SLC24A3: variants seen among roughly 807,000 people sequenced by gnomAD.
SLC24A3 encodes the protein sodium/potassium/calcium exchanger 3.
SLC24A3 carries 28 observed loss-of-function variants against 75.8 expected under a neutral mutation model. The observed-to-expected ratio is 0.37, with a 90% CI of 0.27 to 0.51. The LOEUF (loss-of-function observed/expected upper bound fraction) is 0.51, where lower values mean the gene tolerates loss of function less well. Among genes scored for constraint, SLC24A3 ranks in the 20% least tolerant of loss-of-function variants. SLC24A3 has a pLI of 0.94. For missense variants in SLC24A3, 663 were observed against 847.8 expected (o/e 0.78, Z 2.71); for synonymous variants, 372 against 334.1 (o/e 1.11, Z -1.24).
chr20:19,497,343 A>G (rs372033798), intron 2 of SLC24A3, among the ~76,000 whole-genome samples: 1 of 152,152 alleles, frequency 6.6e-6, no homozygotes, highest in East Asian at 1.9e-4. Context: ...TTGGAGAAAG[A>G]TACTTACCGC....
chr20:19,506,815 G>C (rs1366105888), intron 2 of SLC24A3, among the ~76,000 whole-genome samples: 1 of 152,144 alleles, frequency 6.6e-6, no homozygotes, highest in Admixed American at 6.5e-5. Flanking sequence ...TCCAGCAGAT[G>C]GTAAGTGCTG....
At chr20:19,434,995 C>T (rs1038730167) in intron 2 of SLC24A3, among the ~76,000 whole-genome samples, 6 of 152,192 alleles carry the variant, frequency 3.9e-5, no homozygotes, top group Non-Finnish European at 5.9e-5. Flanking sequence ...GCTATCTTTC[C>T]TTAGTCTTCC....
At chr20:19,533,813 G>C (rs531036834) in intron 3 of SLC24A3, among the ~76,000 whole-genome samples, 23 of 152,334 alleles carry the variant, frequency 1.5e-4, no homozygotes, top group African/African-American at 5.5e-4. Context: ...ATCTTGGAAA[G>C]ATTTTGCTGG....
intron 2 of SLC24A3, among the ~76,000 whole-genome samples, chr20:19,308,832 A>C (rs1984389397): frequency 6.6e-6 from 1 of 152,304 alleles, no homozygotes. Flanking sequence ...CTCCACATCT[A>C]GGAACTCGAC....
At chr20:19,607,015 G>T (rs143079595) in intron 6 of SLC24A3, among the ~76,000 whole-genome samples, 25 of 152,300 alleles carry the variant, frequency 1.6e-4, no homozygotes, top group Non-Finnish European at 3.5e-4. Context: ...CATAGAAGAG[G>T]GTTGGACGTG....
chr20:19,573,344 A>C (rs1036025806), intron 3 of SLC24A3, among the ~76,000 whole-genome samples: 2 of 152,178 alleles, frequency 1.3e-5, no homozygotes, highest in African/African-American at 4.8e-5. Flanking sequence ...AAAGTTCTTT[A>C]GTTTTATTAG....
chr20:19,487,078 G>A (rs1310813886), intron 2 of SLC24A3, among the ~76,000 whole-genome samples: 2 of 152,184 alleles, frequency 1.3e-5, no homozygotes, highest in African/African-American at 2.4e-5. Flanking sequence ...ATAAAGTGGG[G>A]ATAATTACTT....
At chr20:19,253,698 T>C (rs147896170) in intron 1 of SLC24A3, among the ~76,000 whole-genome samples, 17 of 152,292 alleles carry the variant, frequency 1.1e-4, no homozygotes, top group Non-Finnish European at 2.4e-4. Context: ...TGAGAACCTA[T>C]TGTGGGCCTA....
At chr20:19,265,011 A>G (rs1219874742) in intron 1 of SLC24A3, among the ~76,000 whole-genome samples, 4 of 152,194 alleles carry the variant, frequency 2.6e-5, no homozygotes, top group Non-Finnish European at 4.4e-5. Context: ...TCCAGAATAA[A>G]CTACTTGCAC....
chr20:19,535,903 T>C (rs1213882449), intron 3 of SLC24A3, among the ~76,000 whole-genome samples: 3 of 152,138 alleles, frequency 2.0e-5, no homozygotes, highest in African/African-American at 7.2e-5. Context: ...GCAGGGTCCT[T>C]CTTGCTGTGT....
chr20:19,275,950 C>T (rs186459924), intron 1 of SLC24A3, among the ~76,000 whole-genome samples: 4 of 152,196 alleles, frequency 2.6e-5, no homozygotes, highest in Non-Finnish European at 5.9e-5. Context: ...CAACATGCAA[C>T]TTCCAGGGCC....
intron 2 of SLC24A3, among the ~76,000 whole-genome samples, chr20:19,370,991 C>T (rs189072057): frequency 6.6e-5 from 10 of 152,246 alleles, no homozygotes; most frequent in Admixed American, 5.9e-4. Context: ...CTCACTAGAA[C>T]CTGAGCTTTC....
At chr20:19,303,577 A>C (rs1984249865) in intron 2 of SLC24A3, among the ~76,000 whole-genome samples, 1 of 152,200 alleles carries the variant, frequency 6.6e-6, no homozygotes, top group Non-Finnish European at 1.5e-5. Context: ...TCTTTGAGGA[A>C]TCACCATACT....
At chr20:19,365,112 G>C (rs1396984173) in intron 2 of SLC24A3, among the ~76,000 whole-genome samples, 1 of 152,120 alleles carries the variant, frequency 6.6e-6, no homozygotes, top group Non-Finnish European at 1.5e-5. Context: ...ATGAGGCCTT[G>C]CACTTTGTAC....
At chr20:19,530,043 A>C (rs1339155628) in intron 3 of SLC24A3, among the ~76,000 whole-genome samples, 1 of 152,160 alleles carries the variant, frequency 6.6e-6, no homozygotes, top group Admixed American at 6.5e-5. Context: ...TAAAGAGATG[A>C]CTGACTATGT....
At chr20:19,432,272 TTATATATA>T (rs3057540) in intron 2 of SLC24A3, among the ~76,000 whole-genome samples, 1 of 145,322 alleles carries the variant, frequency 6.9e-6, no homozygotes, top group African/African-American at 2.5e-5. Flanking sequence ...TATATCTGTT[TTATATATA>T]TATATATATA....
At chr20:19,627,184 C>G (rs372656852) in intron 6 of SLC24A3, among the ~76,000 whole-genome samples, 7 of 152,312 alleles carry the variant, frequency 4.6e-5, no homozygotes, top group African/African-American at 1.7e-4. Flanking sequence ...GGGACCCATT[C>G]TATTCAAATA....
intron 2 of SLC24A3, among the ~76,000 whole-genome samples, chr20:19,444,387 A>G (rs1271386496): frequency 1.3e-5 from 2 of 152,198 alleles, no homozygotes; most frequent in Non-Finnish European, 2.9e-5. Context: ...CTTCTGGAAG[A>G]CATTGTACAG....
At chr20:19,312,835 G>A (rs73284695) in intron 2 of SLC24A3, among the ~76,000 whole-genome samples, 3,039 of 152,128 alleles carry the variant, frequency 0.02, 36 homozygotes, top group African/African-American at 0.029. Flanking sequence ...AGTTCCATTG[G>A]CCTGGTGTGT....
Sources: allele counts gnomAD v4.1 joint callset (sites outside exome capture counted in the v4.1 genomes callset), GRCh38; gene constraint gnomAD v4.1.1; transcripts MANE v1.5; gene names NCBI Gene and HGNC (gene_info 2026-07-23, HGNC 2026-07-21).